The following PAK4 variants were observed in gnomAD, a reference collection of about 807,000 sequenced individuals.
PAK4 encodes serine/threonine-protein kinase PAK 4.
PAK4 carries 49 observed loss-of-function variants against 53.5 expected under a neutral mutation model. That is an observed-to-expected ratio of 0.92 (90% CI 0.73 to 1.16). The LOEUF is 1.16. Among genes scored for constraint, PAK4 ranks in the 50% most tolerant of loss-of-function variants. The probability of loss-of-function intolerance (pLI) is 0.00; values close to 1 mark genes in which losing one functional copy is unlikely to be tolerated. For missense variants in PAK4, 824 were observed against 850.7 expected, an observed-to-expected ratio of 0.97 and a Z score of 0.39; for synonymous variants, 376 against 375.6, an observed-to-expected ratio of 1.00 and a Z score of -0.01.
intron 1 of PAK4, among the ~76,000 whole-genome samples, chr19:39,137,386 G>T (rs752299963): frequency 2.6e-5 from 4 of 152,114 alleles, no homozygotes; most frequent in Non-Finnish European, 5.9e-5. Flanking sequence ...GACGAATGGA[G>T]GGTTTGTGCG....
At chr19:39,128,650 C>T (rs550323563) in intron 1 of PAK4, among the ~76,000 whole-genome samples, 2 of 152,340 alleles carry the variant, frequency 1.3e-5, no homozygotes, top group South Asian at 2.1e-4. Flanking sequence ...CTCATGCATC[C>T]GGCCATCGTC....
At chr19:39,130,694 G>A (rs554718973) in intron 1 of PAK4, among the ~76,000 whole-genome samples, 152 of 151,900 alleles carry the variant, frequency 1.0e-3, no homozygotes, top group African/African-American at 3.5e-3. Flanking sequence ...GCAAAAAAAA[G>A]AAGCCAGTGT....
At chr19:39,132,055 T>C (rs917353977) in intron 1 of PAK4, among the ~76,000 whole-genome samples, 3 of 152,180 alleles carry the variant, frequency 2.0e-5, no homozygotes, top group Non-Finnish European at 4.4e-5. Context: ...CATCCCGTAG[T>C]GAGCTGTAAT....
Position 39,173,635 on chromosome 19 carries a change from GTCC to G in PAK4, c.739_741del (p.Ser247del), listed in dbSNP as rs754906604. On this transcript the variant is annotated inframe_deletion, in exon 4 of 9. Coordinates refer to ENST00000358301, the Ensembl canonical transcript of PAK4. This position sits in a 1 kb window ranked among gnomAD's most constrained non-coding sequence, Gnocchi z 6.9. ...CAGCGGGGGGCCTGGCCATCCCCCA[GTCC>G]TCCTCCTCCTCCTCCCGGCCTCCCA... 616 of 1,554,368 alleles carry G rather than the reference GTCC, an allele frequency of 4.0e-4. No individual in the cohort carries two copies. The highest frequency in any genetic ancestry group is 8.2e-4 in the Admixed American group (44 of 53,538).
At chr19:39,152,803 AC>A (rs1226048776) in intron 1 of PAK4, among the ~76,000 whole-genome samples, 2 of 152,138 alleles carry the variant, frequency 1.3e-5, no homozygotes, top group Admixed American at 6.5e-5. Context: ...CTTGGAACAT[AC>A]GCCTTGCAGA....
chr19:39,147,544 G>C (rs2074020864), intron 1 of PAK4, among the ~76,000 whole-genome samples: 1 of 152,178 alleles, frequency 6.6e-6, no homozygotes. Context: ...CAGCGTGCTG[G>C]TTGCATGTTT....
chr19:39,176,718 G>A lies in PAK4; in HGVS notation c.1485+3G>A. 6.2e-7 allele frequency: 1 copy of A among 1,607,918 alleles called. No homozygotes were observed. Among genetic ancestry groups the A allele is most frequent in the Middle Eastern group, 1.7e-4 (1 of 6,056 alleles). On this transcript the variant is annotated splice_donor_region_variant and intron_variant, in intron 7 of 8. Transcript: ENST00000358301. Reference sequence around the variant, plus strand: ...CCCGCCTTCCCTACGGGCCAGAGGTGAGCCCCGGGGTGGCTTGGTTGTCCC... The same window carrying A: ...CCCGCCTTCCCTACGGGCCAGAGGTAAGCCCCGGGGTGGCTTGGTTGTCCC...
At chr19:39,127,011 G>A (rs1385899182) in intron 1 of PAK4, among the ~76,000 whole-genome samples, 1 of 152,144 alleles carries the variant, frequency 6.6e-6, no homozygotes, top group African/African-American at 2.4e-5. Flanking sequence ...GGCAGGGCTG[G>A]GCCACTCCCT....
chr19:39,169,310 A>G (rs73933814), intron 1 of PAK4, among the ~76,000 whole-genome samples: 1 of 151,938 alleles, frequency 6.6e-6, no homozygotes, highest in African/African-American at 2.4e-5. Flanking sequence ...GAGCGGCAGG[A>G]AAGTTCTGAG....
At chr19:39,156,147 T>C (rs2074176314) in intron 1 of PAK4, among the ~76,000 whole-genome samples, 2 of 152,176 alleles carry the variant, frequency 1.3e-5, no homozygotes, top group Non-Finnish European at 2.9e-5. Flanking sequence ...TTCCTCCTCA[T>C]GGGTGAGGGG....
chr19:39,175,241 C>A lies in PAK4; in HGVS notation c.1233-71C>A. On this transcript the variant is annotated intron_variant, in intron 5 of 8. Transcript: ENST00000358301. This position sits in a 1 kb window ranked among gnomAD's most constrained non-coding sequence, Gnocchi z 4.7. ...GTCTCAGATTCCTCCCACTGCAAGG[C>A]AGGGCTGCGTCCCCCTCGGCACCCC... 1 of 1,507,436 alleles carries A rather than the reference C, an allele frequency of 6.6e-7. No homozygotes were observed. The highest frequency in any genetic ancestry group is 1.2e-5 in the South Asian group (1 of 81,094). 93.4% of individuals were successfully genotyped at this position (1,507,436 alleles called of 1,614,324 possible).
intron 1 of PAK4, among the ~76,000 whole-genome samples, chr19:39,155,442 TG>T (rs1277631211): frequency 6.6e-6 from 1 of 152,018 alleles, no homozygotes; most frequent in Non-Finnish European, 1.5e-5. Flanking sequence ...TGACCCAGCC[TG>T]GGGTGGCAGG....
intron 1 of PAK4, among the ~76,000 whole-genome samples, chr19:39,142,546 C>T (rs1451802312): frequency 2.0e-5 from 3 of 152,166 alleles, no homozygotes; most frequent in Admixed American, 1.3e-4. Flanking sequence ...GACTGAGGCT[C>T]GGGTCCCCCC....
chr19:39,169,378 A>G (rs1179269934), intron 1 of PAK4, among the ~76,000 whole-genome samples, 154 bp from the exon 3 acceptor site: 1 of 152,026 alleles, frequency 6.6e-6, no homozygotes, highest in African/African-American at 2.4e-5. Context: ...TGTGCCACAC[A>G]GATGGGCGCA....
chr19:39,167,102 G>A lies in PAK4; in HGVS notation c.-22-2430G>A, dbSNP rs145197358. ...CCGCCCTCCAGGCTGCTCTTGCCCC[G>A]TCCCCAGGTGTCCCCCACCTCAGGG... On this transcript the variant is annotated intron_variant, in intron 1 of 8. Coordinates refer to ENST00000358301, the Ensembl canonical transcript of PAK4. 7.3e-3 allele frequency among the ~76,000 whole-genome samples: 1,119 copies of A among 152,320 alleles called. 21 individuals are homozygous for A. Among genetic ancestry groups the A allele is most frequent in the African/African-American group, 0.024 (1,018 of 41,576 alleles).
At chr19:39,158,703 A>G (rs1000205428) in intron 1 of PAK4, among the ~76,000 whole-genome samples, 2 of 152,102 alleles carry the variant, frequency 1.3e-5, no homozygotes, top group Admixed American at 1.3e-4. Flanking sequence ...AGGAAGCATC[A>G]TCTCTTCGTT....
intron 1 of PAK4, among the ~76,000 whole-genome samples, chr19:39,167,616 C>T (rs1466231778): frequency 1.5e-4 from 23 of 152,302 alleles, no homozygotes; most frequent in Non-Finnish European, 8.8e-5. Flanking sequence ...GAGCCTTGGC[C>T]AGGCCCGGCT....
In PAK4 at chr19:39,178,441, G is replaced by C. The variant is rs758450773; in HGVS notation, c.1638G>C (p.Lys546Asn). ...CTCGACAGGTGTCGCCATCCCTGAAGGGCTTCCTGGACCGCCTGCTGGTGC... is the reference window on the plus strand; with the variant it reads ...CTCGACAGGTGTCGCCATCCCTGAACGGCTTCCTGGACCGCCTGCTGGTGC... Residue 546 changes from lysine to asparagine, a missense_variant, in exon 9 of 9, where the codon AAG becomes AAC. Coordinates refer to ENST00000358301, the Ensembl canonical transcript of PAK4. The surrounding 1 kb of genome is among the most constrained non-coding windows in gnomAD (Gnocchi z 4.4). The C allele has an allele frequency of 2.1e-5, 33 of 1,592,160 alleles. No homozygotes were observed. Among genetic ancestry groups the C allele is most frequent in the South Asian group, 1.1e-5 (1 of 87,514 alleles).
At chr19:39,156,066 G>A (rs1307604565) in intron 1 of PAK4, among the ~76,000 whole-genome samples, 1 of 152,134 alleles carries the variant, frequency 6.6e-6, no homozygotes, top group East Asian at 1.9e-4. Context: ...CACACCTCAG[G>A]ATGGCGATAT....
Sources: gnomAD v4.1 joint callset for allele counts (sites outside exome capture counted in the v4.1 genomes callset) on GRCh38, gnomAD v4.1.1 for gene constraint, Gnocchi (gnomAD v3.1) non-coding constraint, MANE v1.5 for transcripts, NCBI Gene and HGNC (gene_info 2026-07-23, HGNC 2026-07-21) for gene names.